Variants in ZC2HC1B observed in about 807,000 individuals in gnomAD.
ZC2HC1B encodes zinc finger C2HC domain-containing protein 1B.
A neutral mutation model predicts 31.0 loss-of-function variants in ZC2HC1B; 36 were observed. That is an observed-to-expected ratio of 1.16 (90% CI 0.89 to 1.54). The LOEUF is 1.54. Ranked by LOEUF, ZC2HC1B falls within the 40% of genes most tolerant of loss-of-function variation. The pLI is 0.00. For synonymous variants in ZC2HC1B, 73 were observed against 88.0 expected (o/e 0.83, Z 0.95); for missense variants, 260 against 268.6 (o/e 0.97, Z 0.22).
At chr6:143,901,406 C>T (rs774869852) in intron 5 of ZC2HC1B, among the ~76,000 whole-genome samples, 3 of 151,026 alleles carry the variant, frequency 2.0e-5, no homozygotes, top group Admixed American at 2.0e-4. Flanking sequence ...ATTACAGGCT[C>T]CCACCACCAT....
At chr6:143,888,663 G>A (rs1357001274) in intron 4 of ZC2HC1B, among the ~76,000 whole-genome samples, 1 of 151,852 alleles carries the variant, frequency 6.6e-6, no homozygotes, top group Non-Finnish European at 1.5e-5. Context: ...TATTATAAAT[G>A]GAGTTGTTAA....
intron 6 of ZC2HC1B, among the ~76,000 whole-genome samples, chr6:143,932,133 C>A (rs1778128482): frequency 6.6e-6 from 1 of 152,064 alleles, no homozygotes; most frequent in South Asian, 2.1e-4. Context: ...CCTTGGCCTC[C>A]CAAAGTGCTG....
intron 4 of ZC2HC1B, among the ~76,000 whole-genome samples, chr6:143,889,065 A>G (rs4895623): frequency 0.028 from 4,214 of 152,148 alleles, 111 homozygotes; most frequent in Admixed American, 0.075. Context: ...AGTGAAATGT[A>G]TGAAAACAAT....
rs1473982355 is a variant in ZC2HC1B at position 143,924,849 on chromosome 6, A to T, written c.599-12800A>T. On this transcript the variant is annotated intron_variant, in intron 6 of 7. Transcript: ENST00000237275. The surrounding 1 kb of genome is among the most constrained non-coding windows in gnomAD (Gnocchi z 5.2). ...ATGGGTGGAACCATCCTTTCATCTG[A>T]TGTATTATCCTTTTATGGTGCTGTT... Among the ~76,000 whole-genome samples, 1 of 151,928 alleles carries T rather than the reference A, an allele frequency of 6.6e-6. No individual in the cohort carries two copies. Among genetic ancestry groups the T allele is most frequent in the African/African-American group, 2.4e-5 (1 of 41,346 alleles).
Position 143,890,793 on chromosome 6 carries a change from CA to C in ZC2HC1B, c.349+3974del, listed in dbSNP as rs1777591521. On this transcript the variant is annotated intron_variant, in intron 4 of 7. Coordinates refer to ENST00000237275, the MANE Select transcript of ZC2HC1B (RefSeq NM_001013623.3). ...AACATTTCAGGATATAAGGTATAAA[CA>C]AGTGAGTTGTAGTTCTATATACTAG... 3.3e-5 allele frequency among the ~76,000 whole-genome samples: 5 copies of C among 152,118 alleles called. No homozygotes were observed. The South Asian group carries it at 1.0e-3, about 32-fold the overall frequency.
At position 143,864,497 on chromosome 6, in the gene ZC2HC1B, C is replaced by T; in HGVS notation, c.-43C>T. Reference sequence around the variant, plus strand: ...CTAGTATGATGTTATCTGGACTGGGCTGTAAAAATCTGTGAACACTGTTGC... The same window carrying T: ...CTAGTATGATGTTATCTGGACTGGGTTGTAAAAATCTGTGAACACTGTTGC... On this transcript the variant is annotated 5_prime_UTR_variant, in exon 1 of 8. Transcript: ENST00000237275. The T allele has an allele frequency of 1.3e-6, 2 of 1,550,390 alleles. No individual in the cohort carries two copies. Among genetic ancestry groups the T allele is most frequent in the African/African-American group, 1.4e-5 (1 of 73,134 alleles).
Position 143,938,005 on chromosome 6 carries a change from C to T in ZC2HC1B, c.*15-137C>T, listed in dbSNP as rs1778198350. On this transcript the variant is annotated intron_variant, in intron 7 of 7. Transcript: ENST00000237275. The surrounding 1 kb of genome is among the most constrained non-coding windows in gnomAD (Gnocchi z 4.2). ...TTTTCCCTTTTTCTAAGCACCTTAC[C>T]CTCACAAAGAATAGTTCCCTGAGGG... 8.3e-6 allele frequency: 2 copies of T among 241,408 alleles called. No homozygotes were observed. Among genetic ancestry groups the T allele is most frequent in the South Asian group, 1.8e-4 (2 of 10,836 alleles). The allele number at this position is 241,408 out of a possible 1,614,324, so 15.0% of individuals were successfully genotyped here. A position where few individuals can be genotyped will look rare whatever the true frequency, so the allele number is the denominator to read the frequency against.
chr6:143,935,644 C>CTT (rs1255795364), intron 6 of ZC2HC1B, among the ~76,000 whole-genome samples: 1 of 81,660 alleles, frequency 1.2e-5, no homozygotes, highest in Non-Finnish European at 2.4e-5. Context: ...CTTGGTATCA[C>CTT]TCTTTTTTTT....
In ZC2HC1B at chr6:143,884,840, G is replaced by A. The variant is rs1372764368; in HGVS notation, c.90+475G>A. 1.3e-5 allele frequency among the ~76,000 whole-genome samples: 2 copies of A among 152,042 alleles called. No homozygotes were observed. Among genetic ancestry groups the A allele is most frequent in the African/African-American group, 4.8e-5 (2 of 41,388 alleles). ...CGTATACAGAACCTTCAAATTTGAG[G>A]GTTTTTATACCATTTGAACAAAATG... On this transcript the variant is annotated intron_variant, in intron 2 of 7. Transcript: ENST00000237275. This position sits in a 1 kb window ranked among gnomAD's most constrained non-coding sequence, Gnocchi z 5.1.
At chr6:143,936,031 C>G (rs1778174342) in intron 6 of ZC2HC1B, among the ~76,000 whole-genome samples, 1 of 152,050 alleles carries the variant, frequency 6.6e-6, no homozygotes, top group African/African-American at 2.4e-5. Flanking sequence ...AGTTAGCCTC[C>G]TAAAACTCGG....
chr6:143,930,690 T>A (rs898714122), intron 6 of ZC2HC1B, among the ~76,000 whole-genome samples: 1 of 152,194 alleles, frequency 6.6e-6, no homozygotes, highest in African/African-American at 2.4e-5. Context: ...TTTGAGAGTT[T>A]CTTTTGGAAT....
intron 4 of ZC2HC1B, among the ~76,000 whole-genome samples, chr6:143,890,093 A>C (rs1041132806): frequency 3.9e-5 from 6 of 152,206 alleles, no homozygotes; most frequent in African/African-American, 1.4e-4. Context: ...AGAAATTAGA[A>C]AATAGTTTTA....
In ZC2HC1B at chr6:143,934,863, C is replaced by T. The variant is rs1778158300; in HGVS notation, c.599-2786C>T. Among the ~76,000 whole-genome samples, 1 of 152,140 alleles carries T rather than the reference C, an allele frequency of 6.6e-6. No individual in the cohort carries two copies. The highest frequency in any genetic ancestry group is 6.5e-5 in the Admixed American group (1 of 15,276). On this transcript the variant is annotated intron_variant, in intron 6 of 7. Coordinates refer to ENST00000237275, the MANE Select transcript of ZC2HC1B (RefSeq NM_001013623.3). The surrounding 1 kb of genome is among the most constrained non-coding windows in gnomAD (Gnocchi z 4.6). ...AGACTGAGCCTGCCTGTCCTTGGGA[C>T]CCCAGGTAGCATACGTGGGCACTGG...
At chr6:143,912,805 G>A (rs1448400630) in intron 6 of ZC2HC1B, among the ~76,000 whole-genome samples, 5 of 152,130 alleles carry the variant, frequency 3.3e-5, no homozygotes, top group Admixed American at 6.5e-5. Flanking sequence ...GCCCCTGATC[G>A]GTTTGGGCTC....
chr6:143,910,982 A>G (rs1562345067), intron 6 of ZC2HC1B, among the ~76,000 whole-genome samples: 1 of 152,116 alleles, frequency 6.6e-6, no homozygotes, highest in Non-Finnish European at 1.5e-5. Flanking sequence ...CAAACTCCTA[A>G]TCTCAGGTTA....
rs1777704754 is a variant in ZC2HC1B, at chr6:143,899,024, G to A, written c.489+333G>A. ...TCACCCAGAAAAGAATTGCGAACCT[G>A]AAGTGAAACTGCCTGAGTGGGACAG... On this transcript the variant is annotated intron_variant, in intron 5 of 7. Coordinates refer to ENST00000237275, the MANE Select transcript of ZC2HC1B (RefSeq NM_001013623.3). This position sits in a 1 kb window ranked among gnomAD's most constrained non-coding sequence, Gnocchi z 5.0. 6.6e-6 allele frequency among the ~76,000 whole-genome samples: 1 copy of A among 152,232 alleles called. No individual in the cohort carries two copies. Among genetic ancestry groups the A allele is most frequent in the South Asian group, 2.1e-4 (1 of 4,830 alleles).
intron 4 of ZC2HC1B, among the ~76,000 whole-genome samples, chr6:143,888,058 A>T (rs971094541): frequency 7.2e-5 from 11 of 152,042 alleles, no homozygotes; most frequent in African/African-American, 2.4e-4. Context: ...TAGATTTTTT[A>T]AAATCTATTT....
In ZC2HC1B at chr6:143,865,873, T is replaced by C. The variant is rs905755375; in HGVS notation, c.28+1306T>C. Reference sequence around the variant, plus strand: ...CTCTGGCGCCCGAGCTGGAGCGCAGTAGTGCGATCTCATCTCACTGCAACC... The same window carrying C: ...CTCTGGCGCCCGAGCTGGAGCGCAGCAGTGCGATCTCATCTCACTGCAACC... On this transcript the variant is annotated intron_variant, in intron 1 of 7. Coordinates refer to ENST00000237275, the MANE Select transcript of ZC2HC1B (RefSeq NM_001013623.3). This position sits in a 1 kb window ranked among gnomAD's most constrained non-coding sequence, Gnocchi z 4.4. 1.4e-4 allele frequency among the ~76,000 whole-genome samples: 22 copies of C among 152,292 alleles called. No individual in the cohort carries two copies. The highest frequency in any genetic ancestry group is 5.3e-4 in the African/African-American group (22 of 41,556).
In ZC2HC1B at chr6:143,899,829, C is replaced by T. The variant is rs142120571; in HGVS notation, c.489+1138C>T. 3.4e-3 allele frequency among the ~76,000 whole-genome samples: 516 copies of T among 152,278 alleles called. 2 individuals are homozygous for T. Among genetic ancestry groups the T allele is most frequent in the Non-Finnish European group, 6.0e-3 (408 of 68,022 alleles). On this transcript the variant is annotated intron_variant, in intron 5 of 7. Transcript: ENST00000237275. The surrounding 1 kb of genome is among the most constrained non-coding windows in gnomAD (Gnocchi z 5.0). ...ACTATCAACTATGTACCAGAAACTG[C>T]GCTAGGTACTGGTTTGATCAAGAAT...
Sources: gnomAD v4.1 joint callset for allele counts (sites outside exome capture counted in the v4.1 genomes callset) on GRCh38, gnomAD v4.1.1 for gene constraint, Gnocchi (gnomAD v3.1) non-coding constraint, MANE v1.5 for transcripts, NCBI Gene and HGNC (gene_info 2026-07-23, HGNC 2026-07-21) for gene names.